Variants in NPHP4 observed in about 807,000 individuals in gnomAD.
NPHP4 encodes nephrocystin 4, also known as nephrocystin-4.
In NPHP4, 151 loss-of-function variants were observed where a neutral mutation model predicts 155.8. The ratio of observed to expected loss-of-function variants is 0.97; its 90% CI spans 0.85 to 1.11. NPHP4 has a LOEUF of 1.11. Ranked by LOEUF, NPHP4 falls within the 50% of genes least tolerant of loss-of-function variation. The pLI is 0.00. For synonymous variants in NPHP4, 845 were observed against 816.8 expected (o/e 1.03, Z -0.59); for missense variants, 1,956 against 1,925.7 (o/e 1.02, Z -0.29).
chr1:5,930,159 C>T (rs567673704), intron 10 of NPHP4, among the ~76,000 whole-genome samples: 5 of 152,088 alleles, frequency 3.3e-5, no homozygotes, highest in African/African-American at 9.7e-5. Context: ...TTCTTTCATT[C>T]CTAATATTAG....
In NPHP4 at chr1:5,892,630, C is replaced by T. The variant is rs1177273698; in HGVS notation, c.2144-1602G>A. On this transcript the variant is annotated intron_variant, in intron 16 of 29. Transcript: ENST00000378156. This position sits in a 1 kb window ranked among gnomAD's most constrained non-coding sequence, Gnocchi z 4.5. ...GGAAGGAGCTCCCCAGGAGACAAGA[C>T]AGAGGGTCCCACTGGGTCGAGCTGT... Among the ~76,000 whole-genome samples the T allele has an allele frequency of 6.6e-6, 1 of 152,058 alleles. No individual in the cohort carries two copies. Among genetic ancestry groups the T allele is most frequent in the Non-Finnish European group, 1.5e-5 (1 of 67,972 alleles).
chr1:5,897,470 A>C (rs1018125367), intron 16 of NPHP4, among the ~76,000 whole-genome samples: 2 of 152,248 alleles, frequency 1.3e-5, no homozygotes, highest in African/African-American at 4.8e-5. Context: ...CACAGCACTG[A>C]CAATGAAGTG....
At chr1:5,968,407 G>A (rs1651919619) in intron 4 of NPHP4, among the ~76,000 whole-genome samples, 1 of 152,132 alleles carries the variant, frequency 6.6e-6, no homozygotes, top group South Asian at 2.1e-4. Context: ...TTCAAGACCA[G>A]CCTGGGCAAC....
intron 11 of NPHP4, among the ~76,000 whole-genome samples, chr1:5,912,494 C>T (rs1373816070): frequency 1.4e-5 from 2 of 147,446 alleles, no homozygotes; most frequent in Admixed American, 6.8e-5. Context: ...GCCGAGATCG[C>T]GCCACTGCAC....
intron 12 of NPHP4, among the ~76,000 whole-genome samples, chr1:5,908,522 C>A (rs1318246691): frequency 2.6e-5 from 4 of 152,196 alleles, no homozygotes; most frequent in South Asian, 2.1e-4. Context: ...AGCCTTGGAG[C>A]CACAGGTGAG....
intron 8 of NPHP4, among the ~76,000 whole-genome samples, chr1:5,947,681 G>A (rs1481883676): frequency 6.6e-6 from 1 of 152,182 alleles, no homozygotes. Context: ...CTGCAGTGAT[G>A]TCTGTGACAC....
At chr1:5,941,656 C>T (rs1646822657) in intron 9 of NPHP4, among the ~76,000 whole-genome samples, 1 of 152,124 alleles carries the variant, frequency 6.6e-6, no homozygotes, top group Non-Finnish European at 1.5e-5. Context: ...TCTTCTGAAG[C>T]CAGAAAGTAC....
intron 11 of NPHP4, among the ~76,000 whole-genome samples, chr1:5,925,603 GT>G (rs981196505): frequency 6.6e-6 from 1 of 151,144 alleles, no homozygotes; most frequent in Non-Finnish European, 1.5e-5. Flanking sequence ...CAGGGAATGG[GT>G]TTTTTTTTGT....
intron 10 of NPHP4, among the ~76,000 whole-genome samples, chr1:5,932,661 A>T (rs1218980140): frequency 8.3e-5 from 8 of 96,014 alleles, no homozygotes; most frequent in South Asian, 5.8e-4. Flanking sequence ...TTTCAGAATT[A>T]AAAAAAAAAA....
chr1:5,867,727 G>A lies in NPHP4; in HGVS notation c.3472+13C>T. On this transcript the variant is annotated intron_variant, in intron 24 of 29. Transcript: ENST00000378156. The surrounding 1 kb of genome is among the most constrained non-coding windows in gnomAD (Gnocchi z 4.1). ...CTGCAACATGTGGGCTGCAGGGTCA[G>A]TGCAGGACCTGCCTGGAAATGTGTG... The A allele has an allele frequency of 6.2e-7, 1 of 1,607,726 alleles. No individual in the cohort carries two copies.
chr1:5,865,435 A>G (rs1641117830), intron 26 of NPHP4, 162 bp from the exon 27 acceptor site: 2 of 601,278 alleles, frequency 3.3e-6, no homozygotes. Flanking sequence ...ACGCAGGGAA[A>G]GCCCCGGAGG....
intron 10 of NPHP4, among the ~76,000 whole-genome samples, chr1:5,929,357 G>A (rs561476073): frequency 6.6e-6 from 1 of 152,226 alleles, no homozygotes; most frequent in East Asian, 1.9e-4. Context: ...TGCTAACAGT[G>A]GACATCCTTT....
At chr1:5,947,067 C>T (rs1647139217) in intron 9 of NPHP4, 37 bp downstream of exon 9, 7 of 1,612,794 alleles carry the variant, frequency 4.3e-6, no homozygotes, top group Non-Finnish European at 5.9e-6. Flanking sequence ...CAGAGTTCAC[C>T]ACCAGAGGAA....
intron 9 of NPHP4, among the ~76,000 whole-genome samples, chr1:5,937,922 G>A (rs1400878386): frequency 6.6e-6 from 1 of 152,232 alleles, no homozygotes; most frequent in Non-Finnish European, 1.5e-5. Flanking sequence ...GCCCTGGGCT[G>A]GGAACACGCG....
rs1645063787 is a variant in NPHP4 at position 5,909,277 on chromosome 1, C to T, written c.1442-64G>A. 2.3e-6 allele frequency: 3 copies of T among 1,317,138 alleles called. No individual in the cohort carries two copies. In the South Asian group the frequency reaches 3.8e-5, roughly 16 times the overall value. The allele number at this position is 1,317,138 out of a possible 1,614,324, so 81.6% of individuals were successfully genotyped here. On this transcript the variant is annotated intron_variant, in intron 11 of 29. Transcript: ENST00000378156. ...CAGCCTGTGTTGGGGGCAGTGGGCC[C>T]CTGAACCCCCACGCAGTCAGGTCTC...
Position 5,905,125 on chromosome 1 carries a change from C to T in NPHP4, c.1955+167G>A, listed in dbSNP as rs1644851296. ...GTAAAGCAGCTTTCACAGCATTTAG[C>T]ATGCTGTGGGTGGGTCCTAGCCAAG... On this transcript the variant is annotated intron_variant, in intron 15 of 29. Transcript: ENST00000378156. The surrounding 1 kb of genome is among the most constrained non-coding windows in gnomAD (Gnocchi z 4.0). Among the ~76,000 whole-genome samples the T allele has an allele frequency of 6.6e-6, 1 of 152,182 alleles. No homozygotes were observed. Among genetic ancestry groups the T allele is most frequent in the African/African-American group, 2.4e-5 (1 of 41,440 alleles).
intron 2 of NPHP4, among the ~76,000 whole-genome samples, chr1:5,982,666 T>C (rs1414563250): frequency 6.6e-6 from 1 of 152,254 alleles, no homozygotes; most frequent in African/African-American, 2.4e-5. Flanking sequence ...ACCTTCTTCT[T>C]TTCTAATATA....
intron 12 of NPHP4, among the ~76,000 whole-genome samples, 188 bp from the exon 13 acceptor site, chr1:5,907,410 T>TA (rs1644964210): frequency 6.6e-6 from 1 of 152,204 alleles, no homozygotes. Context: ...TTCCTTTATT[T>TA]AATGACAGAG....
chr1:5,868,426 A>C (rs1641499041), intron 23 of NPHP4: 1 of 250,716 alleles, frequency 4.0e-6, no homozygotes, highest in Admixed American at 5.2e-5. Context: ...CTCATTAAAA[A>C]CCATATTGTC....
Sources: gnomAD v4.1 joint callset for allele counts (sites outside exome capture counted in the v4.1 genomes callset) on GRCh38, gnomAD v4.1.1 for gene constraint, Gnocchi (gnomAD v3.1) non-coding constraint, MANE v1.5 for transcripts, NCBI Gene and HGNC (gene_info 2026-07-23, HGNC 2026-07-21) for gene names.